YLPM1: variants seen among roughly 807,000 people sequenced by gnomAD.
The protein encoded by YLPM1 is YLP motif containing 1.
YLPM1 carries 99 observed loss-of-function variants against 230.0 expected under a neutral mutation model. That is an observed-to-expected ratio of 0.43 (90% CI 0.37 to 0.51). YLPM1 has a LOEUF of 0.51. Ranked by LOEUF, YLPM1 falls within the 20% of genes least tolerant of loss-of-function variation. The pLI, the probability that YLPM1 is intolerant of heterozygous loss-of-function variation, is 0.00. For missense variants in YLPM1, 2,592 were observed against 2,707.7 expected (o/e 0.96, Z 0.95); for synonymous variants, 984 against 942.5 (o/e 1.04, Z -0.81).
intron 1 of YLPM1, among the ~76,000 whole-genome samples, chr14:74,770,410 A>T (rs891330943): frequency 1.3e-5 from 2 of 151,790 alleles, no homozygotes; most frequent in South Asian, 4.1e-4. Flanking sequence ...GATCACTTGA[A>T]GTCAGGAGTT....
intron 1 of YLPM1, among the ~76,000 whole-genome samples, chr14:74,769,106 C>T (rs751552496): frequency 7.4e-4 from 111 of 150,992 alleles, no homozygotes; most frequent in Admixed American, 7.2e-4. Context: ...GATGGAGTCT[C>T]GCTCTGTTGC....
chr14:74,829,854 TC>T (rs2091594459), intron 19 of YLPM1, among the ~76,000 whole-genome samples: 2 of 152,358 alleles, frequency 1.3e-5, no homozygotes, highest in Middle Eastern at 3.4e-3. Context: ...TAATTTTTCT[TC>T]TAATTAAGTT....
chr14:74,799,655 A>G lies in YLPM1; in HGVS notation c.4358A>G (p.His1453Arg). The change falls in exon 5 of 21, where the codon CAT becomes CGT. Residue 1453 changes from histidine to arginine, a missense_variant. His to Arg is a conservative substitution (Grantham distance 29). Around this residue, in one of 4 missense-constraint regions of YLPM1, gnomAD observed 12 missense variants for 31.8 expected, o/e 0.38. Transcript: ENST00000325680. ...GGVMVLSQRQ[H>R]EIILKAAQEL... Reference sequence around the variant, plus strand: ...GTAATGGTTCTCAGTCAGAGGCAGCATGAAATCATTTTGAAAGCTGCACAA... The same window carrying G: ...GTAATGGTTCTCAGTCAGAGGCAGCGTGAAATCATTTTGAAAGCTGCACAA... 1 of 1,612,444 alleles carries G rather than the reference A, an allele frequency of 6.2e-7. No individual in the cohort carries two copies. The highest frequency in any genetic ancestry group is 8.5e-7 in the Non-Finnish European group (1 of 1,178,686).
In YLPM1 at chr14:74,781,436, C is replaced by G. The variant is rs764465803; in HGVS notation, c.1393C>G (p.Gln465Glu). ...GCGAGAGTTTCAGCTATGGGAGGAA[C>G]AACTCCATTCCTATCCTCATAAAGA... ...WEREFQLWEE[Q>E]LHSYPHKDQL... is the part of the protein sequence containing the mutation. Residue 465 changes from glutamine to glutamate, a missense_variant, in exon 4 of 21, where the codon CAA becomes GAA. By Grantham distance (29) the Gln-to-Glu change is conservative. Coordinates refer to ENST00000325680, the MANE Select transcript of YLPM1 (RefSeq NM_019589.3). 1.2e-6 allele frequency: 2 copies of G among 1,610,374 alleles called. No homozygotes were observed. Among genetic ancestry groups the G allele is most frequent in the African/African-American group, 1.3e-5 (1 of 74,966 alleles).
chr14:74,766,754 G>T (rs1378420678), intron 1 of YLPM1, among the ~76,000 whole-genome samples: 1 of 151,050 alleles, frequency 6.6e-6, no homozygotes, highest in Non-Finnish European at 1.5e-5. Context: ...TGGGATTATG[G>T]GCATGAACCA....
Position 74,798,089 on chromosome 14 carries a change from TG to T in YLPM1, c.2794del (p.Glu932ArgfsTer40). ...PSNWDQNVQS[M>X]ETQIDKAQAV... is the part of the protein sequence containing the mutation. ...AATTGGGACCAGAATGTTCAAAGTA[TG>T]GAGACTCAAATCGACAAAGCCCAAG... On this transcript the variant is annotated frameshift_variant, in exon 5 of 21. Coordinates refer to ENST00000325680, the MANE Select transcript of YLPM1 (RefSeq NM_019589.3). LOFTEE classifies it high-confidence loss of function. The T allele has an allele frequency of 6.2e-7, 1 of 1,613,960 alleles. No individual in the cohort carries two copies. The highest frequency in any genetic ancestry group is 8.5e-7 in the Non-Finnish European group (1 of 1,179,892).
At chr14:74,769,257 A>ATT (rs2090948022) in intron 1 of YLPM1, among the ~76,000 whole-genome samples, 1 of 15,768 alleles carries the variant, frequency 6.3e-5, no homozygotes, top group Non-Finnish European at 1.4e-4. Flanking sequence ...TTGTATTTTT[A>ATT]TCTTTTTTTT....
At chr14:74,827,776 A>G in intron 18 of YLPM1, 1 of 985,320 alleles carries the variant, frequency 1.0e-6, no homozygotes, top group Non-Finnish European at 1.2e-6. Flanking sequence ...TGTTTGTGGG[A>G]CTTCGTTGGT....
At chr14:74,803,016 TG>T (rs558123750) in intron 6 of YLPM1, among the ~76,000 whole-genome samples, 2 of 151,844 alleles carry the variant, frequency 1.3e-5, no homozygotes, top group Non-Finnish European at 2.9e-5. Context: ...TCTAGCACTT[TG>T]GGAGGCTAAG....
At chr14:74,830,571 C>T (rs1240783560) in intron 19 of YLPM1, among the ~76,000 whole-genome samples, 3 of 152,060 alleles carry the variant, frequency 2.0e-5, no homozygotes, top group Admixed American at 6.6e-5. Context: ...AGTCCGTTTG[C>T]GTTGCTATAA....
chr14:74,767,398 T>G (rs2193596), intron 1 of YLPM1, among the ~76,000 whole-genome samples: 105,779 of 152,064 alleles, frequency 0.7, 36,944 homozygotes, highest in East Asian at 0.78. Context: ...ACAATGTTTT[T>G]TTGGTGTGTT....
intron 19 of YLPM1, among the ~76,000 whole-genome samples, chr14:74,833,299 A>G (rs1383314273): frequency 1.3e-5 from 2 of 152,164 alleles, no homozygotes; most frequent in African/African-American, 4.8e-5. Flanking sequence ...CCCAGGCTGG[A>G]GTACAGTGGT....
rs2091300177 is a variant in YLPM1, at chr14:74,799,303, C to T, written c.4006C>T (p.Pro1336Ser). The change falls in exon 5 of 21, where the codon CCC becomes TCC. Residue 1336 changes from proline to serine, a missense_variant. Pro to Ser is a moderately conservative substitution (Grantham distance 74). Transcript: ENST00000325680. ...TATTCCATCTCTTCCACCTTTACCG[C>T]CCCTCCCACCTCTTCCACCTTTGGA... ...RDIPSLPPLP[P>S]LPPLPPLDRY... The T allele has an allele frequency of 5.6e-6, 9 of 1,613,982 alleles. No homozygotes were observed. The highest frequency in any genetic ancestry group is 6.8e-6 in the Non-Finnish European group (8 of 1,179,876).
rs2090884812 is a variant in YLPM1 at position 74,764,136 on chromosome 14, C to T, written c.647C>T (p.Ser216Phe). 1 of 1,613,576 alleles carries T rather than the reference C, an allele frequency of 6.2e-7. No homozygotes were observed. The highest frequency in any genetic ancestry group is 8.5e-7 in the Non-Finnish European group (1 of 1,179,780). The change falls in exon 1 of 21, where the codon TCC becomes TTC. Residue 216 changes from serine (S) to phenylalanine (F), a missense_variant. Transcript: ENST00000325680. ...SYSSSSSSSQ[S>F]YLSHSQSYLP... ...TCATCCTCCTCCTCTTCCTCGCAAT[C>T]CTATTTGAGCCATTCCCAGTCCTAC...
At chr14:74,825,407 A>C (rs1014430451) in intron 18 of YLPM1, among the ~76,000 whole-genome samples, 12 of 152,022 alleles carry the variant, frequency 7.9e-5, no homozygotes, top group Non-Finnish European at 1.5e-4. Context: ...GATTTTTTTT[A>C]GTTTATGTCA....
chr14:74,835,574 G>GT (rs747874503), intron 20 of YLPM1, 127 bp downstream of exon 20: 340 of 786,658 alleles, frequency 4.3e-4, no homozygotes, highest in Middle Eastern at 1.2e-3. Context: ...GAAAGAGTAA[G>GT]TATGTACTAG....
At chr14:74,782,987 C>T (rs2091110872) in intron 4 of YLPM1, among the ~76,000 whole-genome samples, 2 of 152,094 alleles carry the variant, frequency 1.3e-5, no homozygotes, top group African/African-American at 4.8e-5. Context: ...CTTCTAAAAA[C>T]TGTTAAATTC....
intron 9 of YLPM1, 52 bp downstream of exon 9, chr14:74,810,472 A>G (rs1378955821): frequency 1.9e-6 from 3 of 1,544,074 alleles, no homozygotes; most frequent in Non-Finnish European, 8.8e-7. Flanking sequence ...TATACTTAAC[A>G]GTAAAAGTTT....
intron 1 of YLPM1, among the ~76,000 whole-genome samples, chr14:74,773,596 C>G (rs1242057356): frequency 1.3e-5 from 2 of 151,312 alleles, no homozygotes; most frequent in Non-Finnish European, 2.9e-5. Context: ...TTTTTTAAAA[C>G]TGAAGGATAA....
Sources: gnomAD v4.1 joint callset for allele counts (sites outside exome capture counted in the v4.1 genomes callset) on GRCh38, gnomAD v4.1.1 for gene constraint, gnomAD v4.1.1 regional missense constraint, MANE v1.5 for transcripts, NCBI Gene and HGNC (gene_info 2026-07-23, HGNC 2026-07-21) for gene names.